The following DCC variants were observed in gnomAD, a reference collection of about 807,000 sequenced individuals.
DCC encodes the protein netrin receptor DCC.
DCC carries 58 observed loss-of-function variants against 172.5 expected under a neutral mutation model. The ratio of observed to expected loss-of-function variants is 0.34; its 90% CI spans 0.27 to 0.42. DCC has a LOEUF of 0.42. Ranked by LOEUF, DCC falls within the 10% of genes least tolerant of loss-of-function variation. DCC has a pLI of 1.00. For missense variants in DCC, 1,740 were observed against 1,791.0 expected, an observed-to-expected ratio of 0.97 and a Z score of 0.51; for synonymous variants, 709 against 644.5, an observed-to-expected ratio of 1.10 and a Z score of -1.52.
chr18:53,227,932 A>C (rs1238994470), intron 12 of DCC, among the ~76,000 whole-genome samples: 3 of 152,168 alleles, frequency 2.0e-5, no homozygotes, highest in African/African-American at 7.2e-5. Flanking sequence ...CTCACACAAA[A>C]GGGATTTATA....
intron 19 of DCC, among the ~76,000 whole-genome samples, chr18:53,404,071 C>CT (rs1323105323): frequency 6.6e-6 from 1 of 152,078 alleles, no homozygotes; most frequent in Non-Finnish European, 1.5e-5. Context: ...TTCCAATTTT[C>CT]TTTTTTTCCC....
intron 7 of DCC, among the ~76,000 whole-genome samples, chr18:53,116,129 A>T (rs935927451): frequency 6.6e-6 from 1 of 151,714 alleles, no homozygotes; most frequent in African/African-American, 2.4e-5. Flanking sequence ...GCAACACATG[A>T]TGTTAATGGT....
At chr18:52,810,625 G>A (rs2038177904) in intron 2 of DCC, among the ~76,000 whole-genome samples, 1 of 152,166 alleles carries the variant, frequency 6.6e-6, no homozygotes, top group Non-Finnish European at 1.5e-5. Context: ...ACTCAATGGG[G>A]AGTGCGCACT....
At chr18:53,098,973 T>G (rs1438941090) in intron 7 of DCC, among the ~76,000 whole-genome samples, 1 of 152,110 alleles carries the variant, frequency 6.6e-6, no homozygotes, top group African/African-American at 2.4e-5. Context: ...GATGGCGCCA[T>G]GCTCCAGCCT....
At chr18:53,103,610 T>C (rs2043204368) in intron 7 of DCC, among the ~76,000 whole-genome samples, 2 of 152,104 alleles carry the variant, frequency 1.3e-5, no homozygotes, top group Non-Finnish European at 2.9e-5. Context: ...ATAGTTGTCA[T>C]TTGTATTTGC....
chr18:53,090,751 T>C (rs923021947), intron 7 of DCC, among the ~76,000 whole-genome samples: 5 of 123,788 alleles, frequency 4.0e-5, no homozygotes, highest in Non-Finnish European at 8.8e-5. Context: ...ATCGTGTTTC[T>C]TGATGCTAAA....
chr18:53,361,371 T>A (rs1184267753), intron 15 of DCC, among the ~76,000 whole-genome samples: 1 of 152,168 alleles, frequency 6.6e-6, no homozygotes, highest in Admixed American at 6.6e-5. Flanking sequence ...CTAAACATTG[T>A]TTTTTAATTT....
intron 2 of DCC, among the ~76,000 whole-genome samples, chr18:52,771,434 C>A (rs976871923): frequency 6.6e-6 from 1 of 152,128 alleles, no homozygotes; most frequent in Non-Finnish European, 1.5e-5. Flanking sequence ...CACTAGCCTT[C>A]TTCTCCTTCC....
In DCC at chr18:52,890,946, A is replaced by G. The variant is rs538715042; in HGVS notation, c.413-15098A>G. ...ATGTTCTTGATCTTCTCTTCCTTGA[A>G]AAGCGGAATGACTTTAAAATAGCAA... On this transcript the variant is annotated intron_variant, in intron 2 of 28. Coordinates refer to ENST00000442544, the MANE Select transcript of DCC (RefSeq NM_005215.4). 2.6e-5 allele frequency among the ~76,000 whole-genome samples: 4 copies of G among 152,216 alleles called. No homozygotes were observed. The South Asian group carries it at 6.2e-4, about 24-fold the overall frequency.
At chr18:52,687,283 CTTT>C (rs5824954) in intron 1 of DCC, among the ~76,000 whole-genome samples, 227 of 126,362 alleles carry the variant, frequency 1.8e-3, no homozygotes, top group Non-Finnish European at 2.3e-3. Flanking sequence ...TTTCTTTTTC[CTTT>C]TTTTTTTTTT....
chr18:53,043,815 T>G (rs577002819), intron 5 of DCC, among the ~76,000 whole-genome samples: 31 of 151,920 alleles, frequency 2.0e-4, no homozygotes, highest in Non-Finnish European at 4.0e-4. Flanking sequence ...CCTAGTAAAC[T>G]ATTAATTCTG....
chr18:53,132,693 A>G (rs1223044997), intron 7 of DCC, among the ~76,000 whole-genome samples: 1 of 152,112 alleles, frequency 6.6e-6, no homozygotes, highest in Non-Finnish European at 1.5e-5. Flanking sequence ...CAGGACCTGA[A>G]AGGGTGTGCA....
intron 2 of DCC, among the ~76,000 whole-genome samples, chr18:52,797,466 A>AT (rs1254910372): frequency 6.6e-6 from 1 of 152,122 alleles, no homozygotes; most frequent in African/African-American, 2.4e-5. Context: ...TTTGGCTTTG[A>AT]TTTTGGATGG....
intron 12 of DCC, among the ~76,000 whole-genome samples, chr18:53,283,099 C>CA (rs1488992775): frequency 6.6e-6 from 1 of 152,036 alleles, no homozygotes; most frequent in East Asian, 1.9e-4. Flanking sequence ...AAGTAACCTG[C>CA]AGGCAACTCA....
chr18:53,267,110 TCACACA>T (rs140978906), intron 12 of DCC, among the ~76,000 whole-genome samples: 3 of 137,430 alleles, frequency 2.2e-5, no homozygotes, highest in South Asian at 2.3e-4. Context: ...ACTCTCTCTC[TCACACA>T]CACACACACA....
chr18:53,530,783 G>C lies in DCC; in HGVS notation c.*130G>C, dbSNP rs1450155471. 1 of 731,086 alleles carries C rather than the reference G, an allele frequency of 1.4e-6. No individual in the cohort carries two copies. Among genetic ancestry groups the C allele is most frequent in the Non-Finnish European group, 2.5e-6 (1 of 396,158 alleles). The allele number at this position is 731,086 out of a possible 1,614,324, so 45.3% of individuals were successfully genotyped here. A position where few individuals can be genotyped will look rare whatever the true frequency, so the allele number is the denominator to read the frequency against. On this transcript the variant is annotated 3_prime_UTR_variant, in exon 29 of 29. Transcript: ENST00000442544. The stretch of plus-strand genomic sequence containing the variant: ...TCACCCATCAGGACCACTCAGTTAA[G>C]GAAGATCCTGAAGCAGTTCAGAAGG...
intron 2 of DCC, among the ~76,000 whole-genome samples, chr18:52,774,665 C>T (rs531167293): frequency 6.6e-6 from 1 of 152,200 alleles, no homozygotes; most frequent in East Asian, 1.9e-4. Context: ...CCGCTGCTCA[C>T]CCCTCTAGGG....
intron 2 of DCC, among the ~76,000 whole-genome samples, chr18:52,861,044 T>C (rs953879298): frequency 1.3e-5 from 2 of 151,374 alleles, no homozygotes; most frequent in African/African-American, 4.8e-5. Context: ...TTGGCTTCAC[T>C]GTGACTTTTT....
At chr18:53,529,314 G>A (rs765666464) in intron 28 of DCC, among the ~76,000 whole-genome samples, 4 of 152,028 alleles carry the variant, frequency 2.6e-5, no homozygotes, top group Non-Finnish European at 4.4e-5. Flanking sequence ...GAGATCAAGG[G>A]TACTTATTTG....
Sources: allele counts gnomAD v4.1 joint callset (sites outside exome capture counted in the v4.1 genomes callset), GRCh38; gene constraint gnomAD v4.1.1; transcripts MANE v1.5; gene names NCBI Gene and HGNC (gene_info 2026-07-23, HGNC 2026-07-21).